Variants in ITGB1 observed in about 807,000 individuals in gnomAD.
The protein encoded by ITGB1 is integrin beta-1.
A neutral mutation model predicts 86.5 loss-of-function variants in ITGB1; 24 were observed. That is an observed-to-expected ratio of 0.28 (90% CI 0.20 to 0.39). ITGB1 has a LOEUF of 0.39. Among genes scored for constraint, ITGB1 ranks in the 10% least tolerant of loss-of-function variants. The probability of loss-of-function intolerance (pLI) is 1.00; values close to 1 mark genes in which losing one functional copy is unlikely to be tolerated. For missense variants in ITGB1, 556 were observed against 946.9 expected, an observed-to-expected ratio of 0.59 and a Z score of 5.42; for synonymous variants, 323 against 316.8, an observed-to-expected ratio of 1.02 and a Z score of -0.21.
chr10:32,924,847 T>C (rs986794932), intron 6 of ITGB1, among the ~76,000 whole-genome samples: 3 of 152,228 alleles, frequency 2.0e-5, no homozygotes, highest in Non-Finnish European at 4.4e-5. Context: ...TGAATGCTCA[T>C]TGGTACTTTA....
intron 15 of ITGB1, chr10:32,907,058 C>T (rs1406746824): frequency 1.6e-5 from 21 of 1,340,760 alleles, no homozygotes; most frequent in Non-Finnish European, 2.1e-5. Flanking sequence ...AAACAAAATA[C>T]GAACGGCAAT....
At chr10:32,904,092 G>C (rs375482366) in intron 15 of ITGB1, among the ~76,000 whole-genome samples, 60 of 151,730 alleles carry the variant, frequency 4.0e-4, no homozygotes, top group African/African-American at 1.4e-3. Context: ...CTTACCTTTG[G>C]AGAAAAATCT....
chr10:32,916,334 T>G (rs991065286), intron 11 of ITGB1, among the ~76,000 whole-genome samples: 3 of 152,090 alleles, frequency 2.0e-5, no homozygotes, highest in African/African-American at 7.2e-5. Flanking sequence ...GAGAAAGAAA[T>G]AACACATAAC....
intron 9 of ITGB1, 125 bp from the exon 10 acceptor site, chr10:32,920,510 T>A (rs554510412): frequency 5.3e-6 from 4 of 754,106 alleles, no homozygotes; most frequent in South Asian, 3.9e-5. Flanking sequence ...CCAAATCCAA[T>A]TGAGTAACTA....
chr10:32,945,308 G>A (rs552349502), intron 1 of ITGB1, among the ~76,000 whole-genome samples: 2 of 152,246 alleles, frequency 1.3e-5, no homozygotes, highest in East Asian at 1.9e-4. Context: ...TGTTCATTAA[G>A]TGGTTGATAG....
chr10:32,914,436 CA>C (rs776989814), intron 11 of ITGB1, among the ~76,000 whole-genome samples: 1 of 152,052 alleles, frequency 6.6e-6, no homozygotes, highest in Non-Finnish European at 1.5e-5. Flanking sequence ...CGTGCAGAGA[CA>C]AACACAGGCT....
intron 1 of ITGB1, among the ~76,000 whole-genome samples, chr10:32,956,323 G>A (rs2095051981): frequency 6.6e-6 from 1 of 151,902 alleles, no homozygotes; most frequent in Non-Finnish European, 1.5e-5. Flanking sequence ...TATCGTAAAG[G>A]ACGTATGTGG....
chr10:32,912,160 C>G (rs1565820071), intron 11 of ITGB1, 36 bp from the exon 12 acceptor site: 5 of 1,565,332 alleles, frequency 3.2e-6, no homozygotes, highest in Non-Finnish European at 3.5e-6. Flanking sequence ...TCACACAAAA[C>G]AAAAATAATT....
intron 11 of ITGB1, among the ~76,000 whole-genome samples, chr10:32,919,135 G>A (rs1035626540): frequency 2.0e-5 from 3 of 152,156 alleles, no homozygotes; most frequent in Admixed American, 6.6e-5. Context: ...ACTTAGCACA[G>A]ACAATTAAAA....
At chr10:32,923,768 A>G in intron 6 of ITGB1, 28 bp from the exon 7 acceptor site, 1 of 1,596,136 alleles carries the variant, frequency 6.3e-7, no homozygotes, top group Admixed American at 1.7e-5. Context: ...TTCAATTTTA[A>G]AACACTATTC....
In ITGB1 at chr10:32,908,358, T is replaced by G. The variant is rs1446256852; in HGVS notation, c.2331+10A>C. Reference sequence around the variant, plus strand: ...AAGCCACTTTGCTTTTTGGATGTTTTGTAACTTACCGTGTCCCATTTGGCA... The same window carrying G: ...AAGCCACTTTGCTTTTTGGATGTTTGGTAACTTACCGTGTCCCATTTGGCA... On this transcript the variant is annotated intron_variant, in intron 15 of 15. Transcript: ENST00000302278. 1 of 1,613,818 alleles carries G rather than the reference T, an allele frequency of 6.2e-7. No homozygotes were observed. Among genetic ancestry groups the G allele is most frequent in the Admixed American group, 1.7e-5 (1 of 60,022 alleles).
At chr10:32,910,080 AT>A in intron 14 of ITGB1, 142 bp downstream of exon 14, 1 of 631,148 alleles carries the variant, frequency 1.6e-6, no homozygotes, top group Non-Finnish European at 2.8e-6. Flanking sequence ...ATTAGATAAT[AT>A]TTTAAGCTTT....
chr10:32,952,408 T>C (rs1471994568), intron 1 of ITGB1, among the ~76,000 whole-genome samples: 1 of 152,130 alleles, frequency 6.6e-6, no homozygotes, highest in African/African-American at 2.4e-5. Context: ...TTTTCTAACA[T>C]AACATTATAC....
intron 1 of ITGB1, among the ~76,000 whole-genome samples, chr10:32,950,918 C>G (rs575982475): frequency 2.0e-5 from 3 of 152,224 alleles, no homozygotes; most frequent in East Asian, 3.9e-4. Flanking sequence ...TGACTCTACC[C>G]GCCTTCTCCA....
intron 1 of ITGB1, among the ~76,000 whole-genome samples, chr10:32,957,370 C>A (rs1405094651): frequency 2.0e-5 from 3 of 152,206 alleles, no homozygotes; most frequent in Non-Finnish European, 2.9e-5. Context: ...TAGACACAGG[C>A]CGGGCTCTCA....
Position 32,901,406 on chromosome 10 carries a change from C to A in ITGB1, c.*164G>T. 1 of 512,888 alleles carries A rather than the reference C, an allele frequency of 1.9e-6. No individual in the cohort carries two copies. 31.8% of individuals were successfully genotyped at this position (512,888 alleles called of 1,614,324 possible). On this transcript the variant is annotated 3_prime_UTR_variant, in exon 16 of 16. Coordinates refer to ENST00000302278, the MANE Select transcript of ITGB1 (RefSeq NM_002211.4). ...TGTCAGTCCCTGGCATGAATTACAA[C>A]ATTATTTTCAAAATAATAAAACATT... is the stretch of plus-strand genomic sequence containing the variant.
Position 32,911,630 on chromosome 10 carries a change from G to T in ITGB1, c.1749C>A (p.Pro583=). Reference sequence around the variant, plus strand: ...AGTCACATGCACTGCCAGTGTAGTTGGGGTTGCACTCACACACACGACACT... The same window carrying T: ...AGTCACATGCACTGCCAGTGTAGTTTGGGTTGCACTCACACACACGACACT... ...VCKCRVCECN[P]NYTGSACDCS... Residue 583 remains proline (P), a synonymous_variant, in exon 13 of 16, where the codon CCC becomes CCA. Coordinates refer to ENST00000302278, the MANE Select transcript of ITGB1 (RefSeq NM_002211.4). 1 of 1,614,120 alleles carries T rather than the reference G, an allele frequency of 6.2e-7. No individual in the cohort carries two copies. Among genetic ancestry groups the T allele is most frequent in the Non-Finnish European group, 8.5e-7 (1 of 1,180,012 alleles).
intron 1 of ITGB1, among the ~76,000 whole-genome samples, chr10:32,945,242 C>T (rs867944900): frequency 9.9e-5 from 15 of 152,096 alleles, no homozygotes; most frequent in Admixed American, 3.3e-4. Context: ...GATGTCTTAA[C>T]TTTTAAAACA....
At chr10:32,948,487 C>G (rs2095036412) in intron 1 of ITGB1, among the ~76,000 whole-genome samples, 1 of 152,040 alleles carries the variant, frequency 6.6e-6, no homozygotes, top group Non-Finnish European at 1.5e-5. Flanking sequence ...AAGGAGGAAG[C>G]TTTGAGGTTT....
Sources: gnomAD v4.1 joint callset for allele counts (sites outside exome capture counted in the v4.1 genomes callset) on GRCh38, gnomAD v4.1.1 for gene constraint, MANE v1.5 for transcripts, NCBI Gene and HGNC (gene_info 2026-07-23, HGNC 2026-07-21) for gene names.